The following UNKL variants were observed in gnomAD, a reference collection of about 807,000 sequenced individuals.
UNKL encodes the protein putative E3 ubiquitin-protein ligase UNKL.
Under a neutral mutation model 78.0 loss-of-function variants are expected in UNKL, and 60 were observed. The ratio of observed to expected loss-of-function variants is 0.77; its 90% CI spans 0.63 to 0.95. The LOEUF is 0.95. Among genes scored for constraint, UNKL ranks in the 40% least tolerant of loss-of-function variants. UNKL has a pLI of 0.00. For missense variants in UNKL, 1,159 were observed against 1,045.7 expected (o/e 1.11, Z -1.49); for synonymous variants, 608 against 474.8 (o/e 1.28, Z -3.65).
intron 3 of UNKL, among the ~76,000 whole-genome samples, chr16:1,402,471 G>T (rs2037569641): frequency 6.6e-6 from 1 of 151,874 alleles, no homozygotes; most frequent in Non-Finnish European, 1.5e-5. Context: ...GACCATCCTG[G>T]CTAACACAGT....
At chr16:1,368,635 A>AAC (rs2035518493) in intron 12 of UNKL, among the ~76,000 whole-genome samples, 1 of 144,138 alleles carries the variant, frequency 6.9e-6, no homozygotes, top group African/African-American at 2.6e-5. Flanking sequence ...AAAAAAAAAA[A>AAC]CAGGCCTGTC....
chr16:1,406,035 T>C lies in UNKL; in HGVS notation c.288-2691A>G, dbSNP rs1300996276. The C allele has an allele frequency of 2.0e-5, 9 of 456,576 alleles. No homozygotes were observed. In the Admixed American group the frequency reaches 2.1e-4, roughly 11 times the overall value. The allele number at this position is 456,576 out of a possible 1,614,324, so 28.3% of individuals were successfully genotyped here. The stretch of plus-strand genomic sequence containing the variant: ...AGCTGGTGTGGACGAGGCCCGTGGA[T>C]CTGCACTGCCGGCTGGTTCCCAGGG... On this transcript the variant is annotated intron_variant, in intron 2 of 14. Transcript: ENST00000389221.
intron 2 of UNKL, among the ~76,000 whole-genome samples, chr16:1,410,280 A>G (rs961460893): frequency 6.0e-5 from 9 of 149,950 alleles, no homozygotes; most frequent in Non-Finnish European, 7.4e-5. Context: ...AAAAAAAAAA[A>G]AGAGAGAAAA....
Position 1,398,103 on chromosome 16 carries a change from C to T in UNKL, c.735-808G>A, listed in dbSNP as rs192868324. On this transcript the variant is annotated intron_variant, in intron 5 of 14. Coordinates refer to ENST00000389221, the MANE Select transcript of UNKL (RefSeq NM_001372107.1). Reference sequence around the variant, plus strand: ...ACCTCCTGGGGACAGTGAGGCCGGGCGCCCAGACAGCACGGGGCTGTCTCC... The same window carrying T: ...ACCTCCTGGGGACAGTGAGGCCGGGTGCCCAGACAGCACGGGGCTGTCTCC... Among the ~76,000 whole-genome samples, 211 of 152,332 alleles carry T rather than the reference C, an allele frequency of 1.4e-3. 2 individuals are homozygous for T. Among genetic ancestry groups the T allele is most frequent in the African/African-American group, 4.7e-3 (197 of 41,574 alleles).
chr16:1,410,382 TG>T (rs2037984830), intron 2 of UNKL, among the ~76,000 whole-genome samples: 1 of 151,184 alleles, frequency 6.6e-6, no homozygotes, highest in Non-Finnish European at 1.5e-5. Flanking sequence ...CCGAGGCGGG[TG>T]GATCACCTGA....
intron 10 of UNKL, among the ~76,000 whole-genome samples, chr16:1,374,728 G>A (rs1207885243): frequency 1.3e-5 from 2 of 152,120 alleles, no homozygotes; most frequent in Admixed American, 1.3e-4. Flanking sequence ...GACTCGTCAG[G>A]ACTTGGTGGC....
At chr16:1,388,527 C>A (rs117539456) in intron 9 of UNKL, among the ~76,000 whole-genome samples, 1 of 152,128 alleles carries the variant, frequency 6.6e-6, no homozygotes, top group Non-Finnish European at 1.5e-5. Context: ...TGACCCTGCC[C>A]GGGAGCTGGC....
chr16:1,401,086 C>T (rs940705333), intron 4 of UNKL, among the ~76,000 whole-genome samples: 1 of 152,212 alleles, frequency 6.6e-6, no homozygotes, highest in African/African-American at 2.4e-5. Flanking sequence ...GGACAGCCCC[C>T]TGGTCCATAT....
Position 1,366,150 on chromosome 16 carries a change from G to C in UNKL, c.*90C>G. 1 of 1,366,908 alleles carries C rather than the reference G, an allele frequency of 7.3e-7. No homozygotes were observed. Among genetic ancestry groups the C allele is most frequent in the Non-Finnish European group, 9.5e-7 (1 of 1,047,768 alleles). The allele number at this position is 1,366,908 out of a possible 1,614,324, so 84.7% of individuals were successfully genotyped here. ...GCTCCCAGCCTCGGTCCTCACGTCG[G>C]TGGCACCAGAAGCGAGTGACGACAT... On this transcript the variant is annotated 3_prime_UTR_variant, in exon 15 of 15. Transcript: ENST00000389221.
chr16:1,401,727 C>T, intron 3 of UNKL, 26 bp from the exon 4 acceptor site: 1 of 1,595,212 alleles, frequency 6.3e-7, no homozygotes, highest in African/African-American at 1.3e-5. Context: ...ACAGTGGTCA[C>T]AGCTCTGCAT....
At chr16:1,394,303 T>G in intron 6 of UNKL, 88 bp from the exon 7 acceptor site, 1 of 1,453,070 alleles carries the variant, frequency 6.9e-7, no homozygotes, top group Middle Eastern at 1.7e-4. Flanking sequence ...GGGAGAGGAT[T>G]AAGCTCCAAA....
At position 1,401,535 on chromosome 16, in the gene UNKL, C is replaced by A. The variant is rs374037941; in HGVS notation, c.598+33G>T. The A allele has an allele frequency of 7.7e-5, 108 of 1,409,568 alleles. 1 individual carries two copies. The Middle Eastern group carries it at 1.0e-3, about 13-fold the overall frequency. 87.3% of individuals were successfully genotyped at this position (1,409,568 alleles called of 1,614,324 possible). On this transcript the variant is annotated intron_variant, in intron 4 of 14. Transcript: ENST00000389221. ...GTTCTCGCGCTGTGCCCGCCCCCCC[C>A]ACCACCGCCCTCAGCTGCGGCCGTG...
intron 2 of UNKL, among the ~76,000 whole-genome samples, chr16:1,406,307 C>T (rs1234673177): frequency 2.0e-5 from 3 of 151,730 alleles, no homozygotes; most frequent in Non-Finnish European, 4.4e-5. Flanking sequence ...CTGCCTCCTG[C>T]GTTTAAGCGA....
In UNKL at chr16:1,399,086, T is replaced by C; in HGVS notation, c.734+288A>G. The C allele has an allele frequency of 3.1e-6, 4 of 1,298,056 alleles. No homozygotes were observed. Among genetic ancestry groups the C allele is most frequent in the Non-Finnish European group, 4.1e-6 (4 of 974,938 alleles). The allele number at this position is 1,298,056 out of a possible 1,614,324, so 80.4% of individuals were successfully genotyped here. On this transcript the variant is annotated intron_variant, in intron 5 of 14. Transcript: ENST00000389221. This position sits in a 1 kb window ranked among gnomAD's most constrained non-coding sequence, Gnocchi z 5.8. Reference sequence around the variant, plus strand: ...GGCACACGGGGGTCCCAGCTGGGCTTGGGGTCCCTCCTGCAGTGCTCCGTC... The same window carrying C: ...GGCACACGGGGGTCCCAGCTGGGCTCGGGGTCCCTCCTGCAGTGCTCCGTC...
intron 2 of UNKL, 114 bp downstream of exon 2, chr16:1,413,732 C>A (rs1010279273): frequency 1.7e-6 from 2 of 1,201,080 alleles, no homozygotes; most frequent in Non-Finnish European, 2.3e-6. Flanking sequence ...TTACGACTCC[C>A]TCTGCAGGGG....
At chr16:1,396,758 TG>T (rs2037283013) in intron 6 of UNKL, among the ~76,000 whole-genome samples, 1 of 152,056 alleles carries the variant, frequency 6.6e-6, no homozygotes, top group African/African-American at 2.4e-5. Context: ...CACGCCTGGC[TG>T]ATTTTTTGCA....
intron 5 of UNKL, chr16:1,398,602 A>G (rs1305870668): frequency 7.0e-7 from 1 of 1,419,470 alleles, no homozygotes; most frequent in African/African-American, 1.4e-5. Flanking sequence ...TCTCTGCTCA[A>G]AGGAAGAGCT....
Position 1,394,192 on chromosome 16 carries a change from G to T in UNKL, c.876C>A (p.Asn292Lys). Residue 292 changes from asparagine to lysine, a missense_variant, in exon 7 of 15, where the codon AAC becomes AAA. By Grantham distance (94) the Asn-to-Lys change is moderately conservative. Transcript: ENST00000389221. ...GGCAGTACCCGGTTTGGCGCATGTC[G>T]TTGCATTTTGTAGATTTGTAGATCT... ...HPEIYKSTKC[N>K]DMRQTGYCPR... 2.6e-6 allele frequency: 4 copies of T among 1,550,708 alleles called. No homozygotes were observed. Among genetic ancestry groups the T allele is most frequent in the Non-Finnish European group, 3.5e-6 (4 of 1,147,004 alleles).
At chr16:1,369,675 T>TA (rs1235115368) in intron 12 of UNKL, among the ~76,000 whole-genome samples, 2 of 152,208 alleles carry the variant, frequency 1.3e-5, no homozygotes, top group African/African-American at 4.8e-5. Flanking sequence ...GACCAAGTGT[T>TA]AGTTCTTTTA....
Sources: allele counts gnomAD v4.1 joint callset (sites outside exome capture counted in the v4.1 genomes callset), GRCh38; gene constraint gnomAD v4.1.1; non-coding constraint Gnocchi (gnomAD v3.1); transcripts MANE v1.5; gene names NCBI Gene and HGNC (gene_info 2026-07-23, HGNC 2026-07-21).